The following HS3ST4 variants were observed in gnomAD, a reference collection of about 807,000 sequenced individuals.
HS3ST4 encodes the protein heparan sulfate-glucosamine 3-sulfotransferase 4.
A neutral mutation model predicts 29.2 loss-of-function variants in HS3ST4; 17 were observed. That is an observed-to-expected ratio of 0.58 (90% CI 0.40 to 0.87). The LOEUF (loss-of-function observed/expected upper bound fraction) is 0.87, where lower values mean the gene tolerates loss of function less well. Among genes scored for constraint, HS3ST4 ranks in the 40% least tolerant of loss-of-function variants. The pLI is 0.00. For missense variants in HS3ST4, 627 were observed against 634.5 expected (o/e 0.99, Z 0.13); for synonymous variants, 314 against 285.7 (o/e 1.10, Z -1.00).
At chr16:25,871,965 A>T (rs1405630236) in intron 1 of HS3ST4, among the ~76,000 whole-genome samples, 4 of 152,080 alleles carry the variant, frequency 2.6e-5, no homozygotes, top group Non-Finnish European at 5.9e-5. Context: ...TGTAATGGTG[A>T]TGGAGGGTAG....
intron 1 of HS3ST4, among the ~76,000 whole-genome samples, chr16:25,781,261 G>A (rs1338684374): frequency 6.6e-6 from 1 of 152,138 alleles, no homozygotes; most frequent in East Asian, 1.9e-4. Flanking sequence ...ACTTGGCAGA[G>A]GTTTAAAGTA....
intron 1 of HS3ST4, among the ~76,000 whole-genome samples, chr16:26,122,907 AGCTGG>A (rs1899294126): frequency 6.6e-6 from 1 of 152,032 alleles, no homozygotes. Flanking sequence ...TACAAAAATC[AGCTGG>A]GCGTGGTGGC....
In HS3ST4 at chr16:26,136,302, A is replaced by C. The variant is rs758447345; in HGVS notation, c.*54A>C. 126 of 1,503,466 alleles carry C rather than the reference A, an allele frequency of 8.4e-5. No homozygotes were observed. Among genetic ancestry groups the C allele is most frequent in the Non-Finnish European group, 1.1e-4 (122 of 1,121,324 alleles). The allele number at this position is 1,503,466 out of a possible 1,614,324, so 93.1% of individuals were successfully genotyped here. A position where few individuals can be genotyped will look rare whatever the true frequency, so the allele number is the denominator to read the frequency against. On this transcript the variant is annotated 3_prime_UTR_variant, in exon 2 of 2. Coordinates refer to ENST00000331351, the MANE Select transcript of HS3ST4 (RefSeq NM_006040.3). ...ATAAGCTAAGGAGGCTCCTTGCCTG[A>C]GTCCTTGAATACCCCAGCTTCTGCA... is the stretch of plus-strand genomic sequence containing the variant.
chr16:25,804,507 T>G (rs1182387634), intron 1 of HS3ST4, among the ~76,000 whole-genome samples: 1 of 152,186 alleles, frequency 6.6e-6, no homozygotes, highest in Non-Finnish European at 1.5e-5. Flanking sequence ...TTTTACAAAG[T>G]CTGTGTTTTC....
At chr16:25,885,042 G>A (rs918477225) in intron 1 of HS3ST4, among the ~76,000 whole-genome samples, 9 of 152,122 alleles carry the variant, frequency 5.9e-5, no homozygotes, top group African/African-American at 2.2e-4. Flanking sequence ...TAAAAATGAC[G>A]AGCATAACCA....
chr16:26,049,730 G>C (rs909111171), intron 1 of HS3ST4, among the ~76,000 whole-genome samples: 2 of 152,028 alleles, frequency 1.3e-5, no homozygotes, highest in African/African-American at 4.8e-5. Context: ...CAAGCCCCAG[G>C]GCATTTTACC....
intron 1 of HS3ST4, among the ~76,000 whole-genome samples, chr16:25,776,856 A>G (rs551094769): frequency 3.3e-5 from 5 of 152,320 alleles, no homozygotes; most frequent in Admixed American, 6.5e-5. Context: ...AAGTTTCTAC[A>G]TATCTTGGAG....
At chr16:26,068,965 T>G (rs966464929) in intron 1 of HS3ST4, among the ~76,000 whole-genome samples, 2 of 152,176 alleles carry the variant, frequency 1.3e-5, no homozygotes, top group African/African-American at 4.8e-5. Flanking sequence ...TTATGTATTG[T>G]GTTTGAGACG....
At chr16:26,053,910 C>T (rs759803410) in intron 1 of HS3ST4, among the ~76,000 whole-genome samples, 16 of 151,944 alleles carry the variant, frequency 1.1e-4, no homozygotes, top group Admixed American at 3.3e-4. Flanking sequence ...TATCATGTGA[C>T]GGCAGAAGTG....
At position 25,742,634 on chromosome 16, in the gene HS3ST4, C is replaced by T. The variant is rs1442731974; in HGVS notation, c.734+49483C>T. On this transcript the variant is annotated intron_variant, in intron 1 of 1. Transcript: ENST00000331351. ...AAAGCAACAGAGGTCTCTGACTCTT[C>T]TGGATCAGTCAGCCTTTTGAAAGTG... 3.9e-5 allele frequency among the ~76,000 whole-genome samples: 6 copies of T among 152,208 alleles called. No individual in the cohort carries two copies. The East Asian group carries it at 1.2e-3, about 29-fold the overall frequency.
At chr16:25,722,499 C>T (rs949148655) in intron 1 of HS3ST4, among the ~76,000 whole-genome samples, 17 of 152,298 alleles carry the variant, frequency 1.1e-4, no homozygotes, top group Non-Finnish European at 2.2e-4. Context: ...GCTGGCCTTA[C>T]GGGAACTTAC....
At chr16:26,075,866 C>A (rs562343892) in intron 1 of HS3ST4, among the ~76,000 whole-genome samples, 28 of 152,252 alleles carry the variant, frequency 1.8e-4, no homozygotes, top group African/African-American at 6.0e-4. Context: ...ATTTTCAATA[C>A]CTTAAACTTA....
intron 1 of HS3ST4, among the ~76,000 whole-genome samples, chr16:26,034,615 C>A (rs1969566114): frequency 1.3e-5 from 2 of 148,638 alleles, no homozygotes; most frequent in African/African-American, 4.9e-5. Flanking sequence ...TCATCCATTT[C>A]TGTGCTAATG....
chr16:25,730,928 T>C (rs1458442303), intron 1 of HS3ST4, among the ~76,000 whole-genome samples: 1 of 152,116 alleles, frequency 6.6e-6, no homozygotes, highest in Non-Finnish European at 1.5e-5. Context: ...TATGGCTTAT[T>C]ACAGTGAAAT....
intron 1 of HS3ST4, among the ~76,000 whole-genome samples, chr16:26,074,738 C>G: frequency 6.6e-6 from 1 of 152,146 alleles, no homozygotes; most frequent in African/African-American, 2.4e-5. Flanking sequence ...AATGTATTAC[C>G]TGGCCACTCT....
At chr16:25,851,805 G>A (rs1967524707) in intron 1 of HS3ST4, among the ~76,000 whole-genome samples, 1 of 152,004 alleles carries the variant, frequency 6.6e-6, no homozygotes, top group Non-Finnish European at 1.5e-5. Context: ...ACTTCCAAAA[G>A]GCATCATTCT....
At chr16:25,941,368 A>C (rs1968570499) in intron 1 of HS3ST4, among the ~76,000 whole-genome samples, 2 of 151,996 alleles carry the variant, frequency 1.3e-5, no homozygotes, top group Admixed American at 1.3e-4. Context: ...CATGTTGGTC[A>C]GGCTGGTCTT....
At chr16:25,711,401 G>A (rs369451776) in intron 1 of HS3ST4, among the ~76,000 whole-genome samples, 1 of 152,010 alleles carries the variant, frequency 6.6e-6, no homozygotes, top group Non-Finnish European at 1.5e-5. Flanking sequence ...TTCCGCCTGG[G>A]CTATTTCAAG....
intron 1 of HS3ST4, among the ~76,000 whole-genome samples, chr16:25,874,301 G>A (rs1269366363): frequency 6.6e-6 from 1 of 152,140 alleles, no homozygotes; most frequent in Admixed American, 6.5e-5. Flanking sequence ...AACAGTGTGA[G>A]TAGAGTAGCT....
Sources: allele counts gnomAD v4.1 joint callset (sites outside exome capture counted in the v4.1 genomes callset), GRCh38; gene constraint gnomAD v4.1.1; transcripts MANE v1.5; gene names NCBI Gene and HGNC (gene_info 2026-07-23, HGNC 2026-07-21).